Variants in BCR observed in about 807,000 individuals in gnomAD.
BCR encodes BCR activator of RhoGEF and GTPase.
Under a neutral mutation model 138.6 loss-of-function variants are expected in BCR, and 58 were observed. That is an observed-to-expected ratio of 0.42 (90% CI 0.34 to 0.52). BCR has a LOEUF of 0.52. BCR is among the 20% of genes least tolerant of loss of function. The pLI is 0.06. For synonymous variants in BCR, 786 were observed against 730.1 expected, an observed-to-expected ratio of 1.08 and a Z score of -1.23; for missense variants, 1,599 against 1,727.2, an observed-to-expected ratio of 0.93 and a Z score of 1.32.
intron 1 of BCR, among the ~76,000 whole-genome samples, chr22:23,206,309 T>C (rs2146214318): frequency 6.6e-6 from 1 of 152,306 alleles, no homozygotes; most frequent in East Asian, 1.9e-4. Flanking sequence ...GGGCGGTGGC[T>C]CACGCCTGTA....
chr22:23,254,575 C>A (rs768521906), intron 2 of BCR: 1 of 518,932 alleles, frequency 1.9e-6, no homozygotes, highest in Non-Finnish European at 3.8e-6. Flanking sequence ...CCACGCCCCC[C>A]CTCACATGAG....
intron 1 of BCR, among the ~76,000 whole-genome samples, chr22:23,235,973 T>C (rs2073018518): frequency 6.6e-6 from 1 of 152,238 alleles, no homozygotes; most frequent in African/African-American, 2.4e-5. Flanking sequence ...CATAGGAATT[T>C]TGCAGAGATG....
intron 1 of BCR, among the ~76,000 whole-genome samples, chr22:23,235,736 C>T (rs1218080746): frequency 6.6e-6 from 1 of 152,166 alleles, no homozygotes; most frequent in African/African-American, 2.4e-5. Flanking sequence ...GTGCTGGAGG[C>T]AGGAAGTCAG....
At chr22:23,188,736 T>C (rs28642105) in intron 1 of BCR, among the ~76,000 whole-genome samples, 1 of 151,980 alleles carries the variant, frequency 6.6e-6, no homozygotes, top group African/African-American at 2.4e-5. Flanking sequence ...TGACCCTGAC[T>C]GGAATACAAC....
chr22:23,243,446 A>C (rs576009085), intron 1 of BCR, among the ~76,000 whole-genome samples: 2 of 152,188 alleles, frequency 1.3e-5, no homozygotes, highest in African/African-American at 4.8e-5. Context: ...AACACTACAC[A>C]GTGAGGTTCA....
intron 3 of BCR, 89 bp downstream of exon 3, chr22:23,261,143 T>C (rs2073351710): frequency 1.5e-6 from 2 of 1,369,292 alleles, no homozygotes; most frequent in Non-Finnish European, 2.0e-6. Context: ...CCAGGTCAGC[T>C]GTCAGAGCCT....
chr22:23,275,207 G>C (rs983655068), intron 8 of BCR, among the ~76,000 whole-genome samples: 2 of 152,252 alleles, frequency 1.3e-5, no homozygotes, highest in Non-Finnish European at 2.9e-5. Context: ...GGCCCAGGAA[G>C]GGCATGGAGG....
intron 8 of BCR, among the ~76,000 whole-genome samples, chr22:23,282,898 G>A (rs1469401557): frequency 6.6e-6 from 1 of 152,224 alleles, no homozygotes; most frequent in African/African-American, 2.4e-5. Context: ...GGACTCCTGA[G>A]GGTAGAGGCC....
intron 1 of BCR, among the ~76,000 whole-genome samples, chr22:23,232,027 C>G (rs2072965037): frequency 6.6e-6 from 1 of 152,226 alleles, no homozygotes; most frequent in Non-Finnish European, 1.5e-5. Flanking sequence ...GCCTCCCAGC[C>G]CAGGGGCTTG....
intron 1 of BCR, among the ~76,000 whole-genome samples, chr22:23,241,834 A>G (rs2073096153): frequency 6.6e-6 from 1 of 152,054 alleles, no homozygotes; most frequent in Non-Finnish European, 1.5e-5. Flanking sequence ...GTCTCCCTGC[A>G]GCCTCTAGGC....
intron 1 of BCR, among the ~76,000 whole-genome samples, chr22:23,247,451 A>C (rs915047157): frequency 6.6e-6 from 1 of 152,020 alleles, no homozygotes; most frequent in African/African-American, 2.4e-5. Context: ...ACTCCAGTAC[A>C]TGTTGATCGG....
At chr22:23,311,994 T>A in intron 19 of BCR, 158 bp downstream of exon 19, 1 of 1,380,160 alleles carries the variant, frequency 7.2e-7, no homozygotes, top group Non-Finnish European at 9.6e-7. Flanking sequence ...ACAAGAGTTG[T>A]AGAAAAAGCC....
intron 16 of BCR, among the ~76,000 whole-genome samples, chr22:23,297,028 G>GGTT (rs111942865): frequency 2.6e-5 from 4 of 151,914 alleles, no homozygotes; most frequent in Non-Finnish European, 5.9e-5. Context: ...TGCTTGCTTT[G>GGTT]GTTGTTGTTG....
At chr22:23,203,574 C>A (rs1392418566) in intron 1 of BCR, among the ~76,000 whole-genome samples, 3 of 152,170 alleles carry the variant, frequency 2.0e-5, no homozygotes, top group Non-Finnish European at 4.4e-5. Context: ...AACAGTCCAG[C>A]TTTGATAGGG....
chr22:23,228,037 C>T (rs1216259099), intron 1 of BCR, among the ~76,000 whole-genome samples: 2 of 152,182 alleles, frequency 1.3e-5, no homozygotes, highest in Admixed American at 1.3e-4. Flanking sequence ...TCCCTAGCAT[C>T]TTCTTAATGT....
chr22:23,184,738 A>G (rs2072317891), intron 1 of BCR, among the ~76,000 whole-genome samples: 2 of 152,190 alleles, frequency 1.3e-5, no homozygotes, highest in South Asian at 4.1e-4. Context: ...TGCTTCTTTT[A>G]GCCCTGGGCA....
chr22:23,226,706 G>T (rs1602036588), intron 1 of BCR, among the ~76,000 whole-genome samples: 1 of 152,236 alleles, frequency 6.6e-6, no homozygotes, highest in African/African-American at 2.4e-5. Context: ...TGACAAGGTT[G>T]AGTAGTTGAG....
At chr22:23,196,445 T>A (rs1169582286) in intron 1 of BCR, among the ~76,000 whole-genome samples, 4 of 152,046 alleles carry the variant, frequency 2.6e-5, no homozygotes, top group Non-Finnish European at 5.9e-5. Flanking sequence ...GGGACGAGGT[T>A]GTGGAGGGGA....
intron 22 of BCR, 97 bp downstream of exon 22, chr22:23,314,811 T>C (rs2074050354): frequency 1.4e-6 from 2 of 1,450,636 alleles, no homozygotes; most frequent in Non-Finnish European, 1.9e-6. Context: ...TTACTTGCAT[T>C]GTATGTGGTG....
Sources: gnomAD v4.1 joint callset for allele counts (sites outside exome capture counted in the v4.1 genomes callset) on GRCh38, gnomAD v4.1.1 for gene constraint, MANE v1.5 for transcripts, NCBI Gene and HGNC (gene_info 2026-07-23, HGNC 2026-07-21) for gene names.